The following ZDHHC21 variants were observed in gnomAD, a reference collection of about 807,000 sequenced individuals.
ZDHHC21 encodes the protein zDHHC palmitoyltransferase 21.
A neutral mutation model predicts 34.6 loss-of-function variants in ZDHHC21; 15 were observed. That is an observed-to-expected ratio of 0.43 (90% CI 0.29 to 0.67). The LOEUF is 0.67. Ranked by LOEUF, ZDHHC21 falls within the 30% of genes least tolerant of loss-of-function variation. ZDHHC21 has a pLI of 0.14. For synonymous variants in ZDHHC21, 142 were observed against 101.8 expected, an observed-to-expected ratio of 1.40 and a Z score of -2.38; for missense variants, 344 against 327.7, an observed-to-expected ratio of 1.05 and a Z score of -0.38.
At chr9:14,681,530 G>C (rs141906575) in intron 2 of ZDHHC21, among the ~76,000 whole-genome samples, 77 of 152,296 alleles carry the variant, frequency 5.1e-4, no homozygotes, top group African/African-American at 1.7e-3. Context: ...GAAAACCACT[G>C]AGGGATTTTA....
At position 14,671,131 on chromosome 9, in the gene ZDHHC21, A is replaced by T. The variant is rs536687919; in HGVS notation, c.253+1699T>A. 7.9e-5 allele frequency among the ~76,000 whole-genome samples: 12 copies of T among 152,232 alleles called. No individual in the cohort carries two copies. The South Asian group carries it at 2.1e-3, about 26-fold the overall frequency. ...TATAAAACAAAACCAAAAAAAAGGC[A>T]AACTCCATGACTGAGGCTGTTTAAT... On this transcript the variant is annotated intron_variant, in intron 5 of 9. Transcript: ENST00000380916.
chr9:14,684,979 T>C (rs147911991), intron 2 of ZDHHC21, among the ~76,000 whole-genome samples: 2,253 of 152,212 alleles, frequency 0.015, 67 homozygotes, highest in East Asian at 0.1. Context: ...ATAAATGGTG[T>C]TGGGAAAACT....
the ZDHHC21 span, among the ~76,000 whole-genome samples, chr9:14,591,784 C>T: frequency 2.6e-5 from 4 of 152,000 alleles, no homozygotes; most frequent in Non-Finnish European, 4.4e-5. Flanking sequence ...AAAATTATAA[C>T]CTTTCAGTAT....
chr9:14,629,115 T>C (rs1009845082), intron 8 of ZDHHC21, among the ~76,000 whole-genome samples: 3 of 152,220 alleles, frequency 2.0e-5, no homozygotes, highest in African/African-American at 7.2e-5. Context: ...TCTCTCTTGC[T>C]TTCTCTTTCT....
chr9:14,596,283 C>T, the ZDHHC21 span, among the ~76,000 whole-genome samples: 4 of 152,206 alleles, frequency 2.6e-5, no homozygotes, highest in African/African-American at 9.6e-5. Flanking sequence ...TTCACCTCAT[C>T]CTTCAGTAGT....
intron 2 of ZDHHC21, among the ~76,000 whole-genome samples, chr9:14,681,131 G>C (rs997076198): frequency 6.6e-6 from 1 of 152,148 alleles, no homozygotes; most frequent in Admixed American, 6.5e-5. Context: ...AACATTACTA[G>C]TACGCACAGA....
chr9:14,596,639 G>C, the ZDHHC21 span, among the ~76,000 whole-genome samples: 3 of 152,158 alleles, frequency 2.0e-5, no homozygotes, highest in Admixed American at 6.5e-5. Context: ...GATTCAGATA[G>C]GAAGACTTCC....
At chr9:14,628,214 C>T (rs1826656430) in intron 8 of ZDHHC21, among the ~76,000 whole-genome samples, 1 of 152,116 alleles carries the variant, frequency 6.6e-6, no homozygotes, top group African/African-American at 2.4e-5. Flanking sequence ...TTAGAATCCA[C>T]TATTTTTAAG....
chr9:14,607,124 G>A (rs926913001), downstream of ZDHHC21, among the ~76,000 whole-genome samples: 2 of 150,822 alleles, frequency 1.3e-5, no homozygotes, highest in Non-Finnish European at 2.9e-5. Flanking sequence ...CACTACAGAG[G>A]AATGGTTAAA....
chr9:14,690,748 G>A lies in ZDHHC21; in HGVS notation c.-224-363C>T, dbSNP rs1276689192. The stretch of plus-strand genomic sequence containing the variant: ...CAATGAGCACAGTGATGATTCACAT[G>A]TCTATGAAAATGTGCTTTTTAAACT... On this transcript the variant is annotated intron_variant, in intron 1 of 9. Transcript: ENST00000380916. 2.0e-5 allele frequency among the ~76,000 whole-genome samples: 3 copies of A among 152,162 alleles called. 1 individual carries two copies. Among genetic ancestry groups the A allele is most frequent in the African/African-American group, 4.8e-5 (2 of 41,446 alleles).
At chr9:14,622,095 G>A (rs1158164432) in intron 8 of ZDHHC21, among the ~76,000 whole-genome samples, 2 of 151,986 alleles carry the variant, frequency 1.3e-5, no homozygotes, top group African/African-American at 4.8e-5. Context: ...ACTATGTGTC[G>A]TCTACCAGAA....
At chr9:14,682,195 A>T (rs1306044433) in intron 2 of ZDHHC21, among the ~76,000 whole-genome samples, 1 of 152,216 alleles carries the variant, frequency 6.6e-6, no homozygotes, top group Non-Finnish European at 1.5e-5. Flanking sequence ...TAACAATATT[A>T]ACCTTAAATG....
intron 7 of ZDHHC21, among the ~76,000 whole-genome samples, chr9:14,648,601 T>C (rs767985700): frequency 6.6e-6 from 1 of 152,116 alleles, no homozygotes; most frequent in Non-Finnish European, 1.5e-5. Flanking sequence ...TATCCACCCC[T>C]GTACCCTGCT....
In ZDHHC21 at chr9:14,665,218, C is replaced by A. The variant is rs911178874; in HGVS notation, c.254-2892G>T. Among the ~76,000 whole-genome samples the A allele has an allele frequency of 8.9e-5, 12 of 134,424 alleles. No individual in the cohort carries two copies. The South Asian group carries it at 2.5e-3, about 28-fold the overall frequency. The allele number at this position is 134,424 out of a possible 152,430, so 88.2% of individuals were successfully genotyped here. ...TGAAGAATGCAGAAGCCTCAGGAGC[C>A]GATGCGATCAACTGGAAGAAAGGGT... On this transcript the variant is annotated intron_variant, in intron 5 of 9. Transcript: ENST00000380916.
the ZDHHC21 span, among the ~76,000 whole-genome samples, chr9:14,596,677 T>A: frequency 6.6e-6 from 1 of 152,040 alleles, no homozygotes; most frequent in East Asian, 1.9e-4. Flanking sequence ...TCCTGGAAAT[T>A]GCACTGGAAC....
At chr9:14,685,715 A>G (rs1838199033) in intron 2 of ZDHHC21, among the ~76,000 whole-genome samples, 1 of 152,224 alleles carries the variant, frequency 6.6e-6, no homozygotes, top group African/African-American at 2.4e-5. Context: ...TATATACCCA[A>G]AGGATTACAA....
the ZDHHC21 span, among the ~76,000 whole-genome samples, chr9:14,594,491 G>A: frequency 1.3e-5 from 2 of 152,002 alleles, no homozygotes; most frequent in South Asian, 2.1e-4. Context: ...TGACACAACC[G>A]GATTATCTAT....
chr9:14,622,606 T>C lies in ZDHHC21; in HGVS notation c.622-2924A>G. On this transcript the variant is annotated intron_variant, in intron 8 of 9. Transcript: ENST00000380916. ...CAATCCATCCAACTAACTCATCCTG[T>C]TTTGAGTTCATTCTCACCAAGCAAC... 3.0e-6 allele frequency: 3 copies of C among 984,856 alleles called. No individual in the cohort carries two copies. The South Asian group carries it at 1.4e-4, about 46-fold the overall frequency. The allele number at this position is 984,856 out of a possible 1,614,324, so 61.0% of individuals were successfully genotyped here.
rs954263823 is a variant in ZDHHC21, at chr9:14,647,217, C to A, written c.505-7205G>T. Among the ~76,000 whole-genome samples, 8 of 152,182 alleles carry A rather than the reference C, an allele frequency of 5.3e-5. 1 individual carries two copies. Among genetic ancestry groups the A allele is most frequent in the African/African-American group, 1.9e-4 (8 of 41,534 alleles). ...TATTCCTATACTCCTATCTCATAAT[C>A]TTTTAGAACTGTATCATTTAAAAAT... On this transcript the variant is annotated intron_variant, in intron 7 of 9. Coordinates refer to ENST00000380916, the MANE Select transcript of ZDHHC21 (RefSeq NM_178566.6).
Sources: gnomAD v4.1 joint callset for allele counts (sites outside exome capture counted in the v4.1 genomes callset) on GRCh38, gnomAD v4.1.1 for gene constraint, MANE v1.5 for transcripts, NCBI Gene and HGNC (gene_info 2026-07-23, HGNC 2026-07-21) for gene names.